Variants in RSRC1 observed in about 807,000 individuals in gnomAD.
RSRC1 encodes serine/Arginine-related protein 53.
In RSRC1, 39 loss-of-function variants were observed where a neutral mutation model predicts 49.1. The observed-to-expected ratio is 0.79, with a 90% confidence interval of 0.61 to 1.04. RSRC1 has a LOEUF of 1.04. Ranked by LOEUF, RSRC1 falls within the 50% of genes least tolerant of loss-of-function variation. The pLI, the probability that RSRC1 is intolerant of heterozygous loss-of-function variation, is 0.00. For synonymous variants in RSRC1, 143 were observed against 130.8 expected (o/e 1.09, Z -0.63); for missense variants, 388 against 402.4 (o/e 0.96, Z 0.31).
At chr3:158,153,119 T>C (rs779526121) in intron 3 of RSRC1, among the ~76,000 whole-genome samples, 2 of 152,184 alleles carry the variant, frequency 1.3e-5, no homozygotes, top group Non-Finnish European at 2.9e-5. Context: ...AGCAACTTTC[T>C]CCCTATACCT....
intron 5 of RSRC1, among the ~76,000 whole-genome samples, chr3:158,354,512 ATTGC>A (rs1296260083): frequency 6.6e-6 from 1 of 152,174 alleles, no homozygotes; most frequent in Non-Finnish European, 1.5e-5. Context: ...ATTCTCATAG[ATTGC>A]TTGCCTGTTT....
intron 3 of RSRC1, among the ~76,000 whole-genome samples, chr3:158,150,837 A>G (rs1717484458): frequency 6.6e-6 from 1 of 152,142 alleles, no homozygotes; most frequent in South Asian, 2.1e-4. Flanking sequence ...ATTTTCTTGT[A>G]TGTTAGGGTT....
At chr3:158,219,545 C>T (rs1164981817) in intron 4 of RSRC1, among the ~76,000 whole-genome samples, 3 of 151,164 alleles carry the variant, frequency 2.0e-5, no homozygotes, top group Non-Finnish European at 1.5e-5. Context: ...TGAAAAATTC[C>T]CTTTCCTTTT....
At chr3:158,251,271 T>C (rs1181212244) in intron 4 of RSRC1, among the ~76,000 whole-genome samples, 1 of 152,204 alleles carries the variant, frequency 6.6e-6, no homozygotes, top group Non-Finnish European at 1.5e-5. Context: ...AGTTTTGTTC[T>C]TTTTATTCAG....
At chr3:158,474,409 T>A (rs1231771810) in intron 7 of RSRC1, among the ~76,000 whole-genome samples, 1 of 152,170 alleles carries the variant, frequency 6.6e-6, no homozygotes. Context: ...CTTCAGCAAG[T>A]TGCAGTATTT....
chr3:158,329,497 G>A (rs1419275119), intron 5 of RSRC1, among the ~76,000 whole-genome samples: 1 of 152,192 alleles, frequency 6.6e-6, no homozygotes, highest in Non-Finnish European at 1.5e-5. Flanking sequence ...TTTGCTGGAG[G>A]TCCACTCCAG....
chr3:158,379,219 G>A (rs1280275364), intron 6 of RSRC1, among the ~76,000 whole-genome samples: 1 of 20,024 alleles, frequency 5.0e-5, no homozygotes, highest in African/African-American at 2.2e-4. Context: ...TTTTTTTTTT[G>A]AGACCGAGTC....
intron 4 of RSRC1, among the ~76,000 whole-genome samples, chr3:158,247,833 G>T (rs1468489069): frequency 6.6e-6 from 1 of 152,124 alleles, no homozygotes; most frequent in Admixed American, 6.6e-5. Flanking sequence ...CCTTGGCTGT[G>T]AGTAGATGTT....
intron 6 of RSRC1, among the ~76,000 whole-genome samples, chr3:158,436,992 C>A (rs759881528): frequency 8.6e-5 from 13 of 150,504 alleles, no homozygotes; most frequent in Non-Finnish European, 1.9e-4. Flanking sequence ...AGAATCCATT[C>A]TTTAAATATC....
chr3:158,246,150 A>G (rs1439011311), intron 4 of RSRC1, among the ~76,000 whole-genome samples: 1 of 152,068 alleles, frequency 6.6e-6, no homozygotes, highest in African/African-American at 2.4e-5. Flanking sequence ...GTTAAGAACA[A>G]AAAACCAAAC....
intron 1 of RSRC1, among the ~76,000 whole-genome samples, chr3:158,120,682 A>C (rs1168444959): frequency 1.4e-5 from 2 of 147,258 alleles, no homozygotes; most frequent in African/African-American, 4.9e-5. Context: ...TAGATAATAT[A>C]TATTTTATAT....
intron 4 of RSRC1, among the ~76,000 whole-genome samples, chr3:158,228,965 C>T (rs1485562063): frequency 1.5e-5 from 2 of 132,070 alleles, no homozygotes; most frequent in Non-Finnish European, 3.2e-5. Context: ...AACACACATA[C>T]GTGTATATGT....
At chr3:158,276,179 A>C (rs1448750466) in intron 4 of RSRC1, 2 of 867,286 alleles carry the variant, frequency 2.3e-6, no homozygotes, top group Non-Finnish European at 3.9e-6. Context: ...CAGGCTTGCC[A>C]TATGTTGCAC....
chr3:158,444,123 C>T (rs1369292175), intron 6 of RSRC1, among the ~76,000 whole-genome samples: 1 of 152,064 alleles, frequency 6.6e-6, no homozygotes, highest in Non-Finnish European at 1.5e-5. Context: ...GTCAGAATTA[C>T]CAAAATGTGT....
chr3:158,311,651 G>T (rs576808059), intron 5 of RSRC1, among the ~76,000 whole-genome samples: 1 of 152,054 alleles, frequency 6.6e-6, no homozygotes, highest in Non-Finnish European at 1.5e-5. Flanking sequence ...GTACAGCATG[G>T]TGACTAGAGT....
intron 4 of RSRC1, among the ~76,000 whole-genome samples, chr3:158,236,503 C>T (rs1235748505): frequency 6.6e-6 from 1 of 152,214 alleles, no homozygotes; most frequent in Non-Finnish European, 1.5e-5. Context: ...GCAACAACTG[C>T]TCTGATTTCA....
chr3:158,436,171 A>G (rs545302683), intron 6 of RSRC1, among the ~76,000 whole-genome samples: 2 of 152,020 alleles, frequency 1.3e-5, no homozygotes, highest in South Asian at 2.1e-4. Context: ...AATCAGTAAG[A>G]TATCGGACCT....
chr3:158,295,105 A>C (rs1402432739), intron 4 of RSRC1, among the ~76,000 whole-genome samples: 1 of 152,100 alleles, frequency 6.6e-6, no homozygotes, highest in Non-Finnish European at 1.5e-5. Flanking sequence ...ACATGCCCCG[A>C]GTGTTAATGG....
intron 5 of RSRC1, among the ~76,000 whole-genome samples, chr3:158,329,180 G>A (rs1026158726): frequency 6.6e-6 from 1 of 152,094 alleles, no homozygotes; most frequent in Non-Finnish European, 1.5e-5. Context: ...CATTGGGATC[G>A]AACTTCCTCC....
Sources: gnomAD v4.1 joint callset for allele counts (sites outside exome capture counted in the v4.1 genomes callset) on GRCh38, gnomAD v4.1.1 for gene constraint, MANE v1.5 for transcripts, NCBI Gene and HGNC (gene_info 2026-07-23, HGNC 2026-07-21) for gene names.